Variants in RP1L1 observed in about 807,000 individuals in gnomAD.
The protein encoded by RP1L1 is retinitis pigmentosa 1-like 1 protein.
RP1L1 carries 27 observed loss-of-function variants against 15.7 expected under a neutral mutation model. That is an observed-to-expected ratio of 1.72 (90% CI 1.27 to 2.38). The LOEUF is 2.38. RP1L1 is among the 30% of genes most tolerant of loss of function. The pLI, the probability that RP1L1 is intolerant of heterozygous loss-of-function variation, is 0.00. For missense variants in RP1L1, 4,798 were observed against 3,075.9 expected (o/e 1.56, Z -13.24); for synonymous variants, 1,813 against 1,276.7 (o/e 1.42, Z -8.96).
chr8:10,612,611 C>T lies in RP1L1; in HGVS notation c.1487G>A (p.Gly496Glu). ...SAQIGAERKAGGSLGEDPGLC... is the reference protein window; with the variant it reads ...SAQIGAERKAEGSLGEDPGLC... The stretch of plus-strand genomic sequence containing the variant: ...GCCGGGGTCCTCACCCAGGCTCCCT[C>T]CAGCTTTCCGCTCAGCCCCTATCTG... Residue 496 changes from glycine (G) to glutamate (E), a missense_variant, in exon 4 of 4, where the codon GGA becomes GAA. Coordinates refer to ENST00000382483, the MANE Select transcript of RP1L1 (RefSeq NM_178857.6). 6.2e-7 allele frequency: 1 copy of T among 1,602,234 alleles called. No homozygotes were observed. Among genetic ancestry groups the T allele is most frequent in the Non-Finnish European group, 8.5e-7 (1 of 1,179,296 alleles).
At chr8:10,652,028 A>G (rs1462629815) in intron 1 of RP1L1, among the ~76,000 whole-genome samples, 1 of 152,234 alleles carries the variant, frequency 6.6e-6, no homozygotes, top group African/African-American at 2.4e-5. Flanking sequence ...AGTACTCAGT[A>G]TAGTACCATG....
At chr8:10,630,544 G>A (rs1026044723) in intron 1 of RP1L1, among the ~76,000 whole-genome samples, 4 of 152,216 alleles carry the variant, frequency 2.6e-5, no homozygotes, top group Non-Finnish European at 5.9e-5. Flanking sequence ...AGAGTGGAGG[G>A]TTTCACTTTC....
chr8:10,627,605 T>C (rs7011677), intron 1 of RP1L1, among the ~76,000 whole-genome samples: 46,527 of 150,912 alleles, frequency 0.31, 7,644 homozygotes, highest in Middle Eastern at 0.4. Context: ...ACAGTTTAGA[T>C]GGCCAATTCT....
chr8:10,653,743 C>T (rs1172846545), intron 1 of RP1L1, among the ~76,000 whole-genome samples: 2 of 152,168 alleles, frequency 1.3e-5, no homozygotes, highest in African/African-American at 4.8e-5. Context: ...GAGCAGCAGG[C>T]CTGTCTGAGG....
chr8:10,615,328 T>G (rs1007474733), intron 3 of RP1L1, among the ~76,000 whole-genome samples: 9 of 152,202 alleles, frequency 5.9e-5, no homozygotes, highest in Non-Finnish European at 7.3e-5. Context: ...GTGTGTGTAG[T>G]TTTAAAAAAA....
At chr8:10,635,171 C>G (rs990896099) in intron 1 of RP1L1, among the ~76,000 whole-genome samples, 2 of 152,190 alleles carry the variant, frequency 1.3e-5, no homozygotes, top group African/African-American at 4.8e-5. Context: ...ACGGCATGTC[C>G]TTGAGGAAGT....
At chr8:10,622,321 G>A (rs1460817913) in intron 2 of RP1L1, among the ~76,000 whole-genome samples, 10 of 113,818 alleles carry the variant, frequency 8.8e-5, no homozygotes, top group East Asian at 3.2e-4. Flanking sequence ...ACTCCATCTC[G>A]AAAAAAACAA....
intron 1 of RP1L1, among the ~76,000 whole-genome samples, chr8:10,641,235 G>A (rs1798401690): frequency 6.6e-6 from 1 of 152,212 alleles, no homozygotes; most frequent in Admixed American, 6.5e-5. Context: ...CCAATGAAAT[G>A]TGAACAGACA....
chr8:10,607,244 C>T lies in RP1L1; in HGVS notation c.6854G>A (p.Gly2285Glu), dbSNP rs1400794283. 11 of 1,614,168 alleles carry T rather than the reference C, an allele frequency of 6.8e-6. No homozygotes were observed. The highest frequency in any genetic ancestry group is 3.3e-5 in the Admixed American group (2 of 60,022). Residue 2285 changes from glycine (G) to glutamate (E), a missense_variant, in exon 4 of 4, where the codon GGA (glycine) becomes GAA (glutamate). Coordinates refer to ENST00000382483, the MANE Select transcript of RP1L1 (RefSeq NM_178857.6). ...GCCTGGCCTTTGGTGGGGAGTGTCT[C>T]CACCTGGGGAAGGGGGTGGAGTGGG... is the stretch of plus-strand genomic sequence containing the variant. The part of the protein sequence containing the change: ...DRPTPPPSPG[G>E]DTPHQRPGSQ...
At position 10,612,050 on chromosome 8, in the gene RP1L1, G is replaced by C. The variant is rs200854414; in HGVS notation, c.2048C>G (p.Thr683Ser). ...CTCAGGAGGCCTCGGCACTTGCTTGGTTACAGAGGAGTCCAGTGGGCTGTG... is the reference window on the plus strand; with the variant it reads ...CTCAGGAGGCCTCGGCACTTGCTTGCTTACAGAGGAGTCCAGTGGGCTGTG... ...DTHSPLDSSV[T>S]KQVPRPPERR... The change falls in exon 4 of 4, where the codon ACC becomes AGC. Residue 683 changes from threonine (T) to serine (S), a missense_variant. Transcript: ENST00000382483. 5.6e-6 allele frequency: 9 copies of C among 1,613,914 alleles called. No individual in the cohort carries two copies. The African/African-American group carries it at 6.7e-5, about 12-fold the overall frequency.
rs1184020382 is a variant in RP1L1, at chr8:10,623,050, A to C, written c.152T>G (p.Leu51Arg). ...RGDPRFAGVRLAVHQRAFKTF... is the reference protein window; with the variant it reads ...RGDPRFAGVRRAVHQRAFKTF... ...CTTAAAGGCGCGCTGGTGAACGGCC[A>C]GGCGGACCCCAGCAAACCGTGGATC... Residue 51 changes from leucine to arginine, a missense_variant, in exon 2 of 4, where the codon CTG (leucine) becomes CGG (arginine). Physicochemically the swap from Leu to Arg is moderately radical, Grantham distance 102. Transcript: ENST00000382483. The C allele has an allele frequency of 6.2e-7, 1 of 1,614,150 alleles. No individual in the cohort carries two copies. The highest frequency in any genetic ancestry group is 1.7e-5 in the Admixed American group (1 of 60,030).
chr8:10,634,028 C>T (rs547995843), intron 1 of RP1L1, among the ~76,000 whole-genome samples: 1 of 152,264 alleles, frequency 6.6e-6, no homozygotes, highest in Admixed American at 6.5e-5. Flanking sequence ...TGATCCCCAG[C>T]TGCAGGCCTG....
At chr8:10,625,943 G>T (rs528204842) in intron 1 of RP1L1, among the ~76,000 whole-genome samples, 1 of 152,038 alleles carries the variant, frequency 6.6e-6, no homozygotes, top group East Asian at 1.9e-4. Flanking sequence ...AGGAGGGGGC[G>T]GTGCCGGGGA....
intron 1 of RP1L1, among the ~76,000 whole-genome samples, chr8:10,643,331 C>A (rs1049007032): frequency 2.0e-5 from 3 of 152,198 alleles, no homozygotes; most frequent in Admixed American, 1.3e-4. Flanking sequence ...CAGAGTGAGA[C>A]CTTGCCTAGA....
At chr8:10,628,720 T>G (rs1315428520) in intron 1 of RP1L1, among the ~76,000 whole-genome samples, 1 of 152,162 alleles carries the variant, frequency 6.6e-6, no homozygotes, top group Non-Finnish European at 1.5e-5. Flanking sequence ...TCCCGTTCTG[T>G]CTGGTAATAA....
Position 10,610,535 on chromosome 8 carries a change from G to C in RP1L1, c.3563C>G (p.Ala1188Gly). 6.2e-7 allele frequency: 1 copy of C among 1,613,718 alleles called. No individual in the cohort carries two copies. The highest frequency in any genetic ancestry group is 8.5e-7 in the Non-Finnish European group (1 of 1,180,028). The change falls in exon 4 of 4, where the codon GCC (alanine) becomes GGC (glycine). Residue 1188 changes from alanine to glycine, a missense_variant. Ala to Gly is a moderately conservative substitution (Grantham distance 60). Transcript: ENST00000382483. ...TGTGGGCGTGAAGTTCTCCGTCATG[G>C]CATGGGACCCAAGGTCTGGCAGAGC... ...SQALPDLGSH[A>G]MTENFTPTSS...
chr8:10,650,793 C>T (rs999631613), intron 1 of RP1L1, among the ~76,000 whole-genome samples: 3 of 152,122 alleles, frequency 2.0e-5, no homozygotes, highest in Admixed American at 6.5e-5. Context: ...TCTCGAACTC[C>T]TGACCTCAGG....
At position 10,613,051 on chromosome 8, in the gene RP1L1, G is replaced by C; in HGVS notation, c.1047C>G (p.Leu349=). Reference sequence around the variant, plus strand: ...CGGGGTCTTCCCCACTGGCTGCCGTGAGGGCGCTGGCCCTGCCCATCCTCC... The same window carrying C: ...CGGGGTCTTCCCCACTGGCTGCCGTCAGGGCGCTGGCCCTGCCCATCCTCC... ...WSRRMGRASA[L]TAASGEDPVL... is the part of the protein sequence containing the mutation. The change falls in exon 4 of 4, where the codon CTC becomes CTG. Residue 349 remains leucine, a synonymous_variant. Coordinates refer to ENST00000382483, the MANE Select transcript of RP1L1 (RefSeq NM_178857.6). The C allele has an allele frequency of 6.2e-7, 1 of 1,613,614 alleles. No homozygotes were observed. Among genetic ancestry groups the C allele is most frequent in the Non-Finnish European group, 8.5e-7 (1 of 1,180,028 alleles).
intron 1 of RP1L1, among the ~76,000 whole-genome samples, chr8:10,647,320 T>C (rs1364973845): frequency 1.3e-5 from 2 of 152,260 alleles, no homozygotes; most frequent in Admixed American, 6.5e-5. Flanking sequence ...GTTTGTGTTT[T>C]TATTTTTTTA....
Sources: allele counts gnomAD v4.1 joint callset (sites outside exome capture counted in the v4.1 genomes callset), GRCh38; gene constraint gnomAD v4.1.1; transcripts MANE v1.5; gene names NCBI Gene and HGNC (gene_info 2026-07-23, HGNC 2026-07-21).